The following ASZ1 variants were observed in gnomAD, a reference collection of about 807,000 sequenced individuals.
The protein encoded by ASZ1 is ankyrin repeat, SAM and basic leucine zipper domain-containing protein 1.
A neutral mutation model predicts 61.8 loss-of-function variants in ASZ1; 67 were observed. The ratio of observed to expected loss-of-function variants is 1.08; its 90% CI spans 0.89 to 1.33. ASZ1 has a LOEUF of 1.33. Ranked by LOEUF, ASZ1 falls within the 40% of genes most tolerant of loss-of-function variation. The pLI is 0.00. For missense variants in ASZ1, 577 were observed against 554.5 expected (o/e 1.04, Z -0.41); for synonymous variants, 193 against 192.7 (o/e 1.00, Z -0.01).
At position 117,425,825 on chromosome 7, in the gene ASZ1, A is replaced by G. The variant is rs182758151; in HGVS notation, c.205+1011T>C. On this transcript the variant is annotated intron_variant, in intron 2 of 12. Transcript: ENST00000284629. ...CCGACATGGTGAAACCCCCGTGTCTACTAAAATTACCAAAATTAGCTGGGC... is the reference window on the plus strand; with the variant it reads ...CCGACATGGTGAAACCCCCGTGTCTGCTAAAATTACCAAAATTAGCTGGGC... Among the ~76,000 whole-genome samples the G allele has an allele frequency of 3.8e-3, 577 of 151,740 alleles. 1 individual carries two copies. Among genetic ancestry groups the G allele is most frequent in the Non-Finnish European group, 5.6e-3 (383 of 67,926 alleles).
At chr7:117,410,726 T>G (rs1021756893) in intron 4 of ASZ1, among the ~76,000 whole-genome samples, 1 of 150,794 alleles carries the variant, frequency 6.6e-6, no homozygotes, top group Non-Finnish European at 1.5e-5. Flanking sequence ...AAAGCCTTTT[T>G]CCTAAAAGAT....
At chr7:117,426,239 T>C (rs1173044546) in intron 2 of ASZ1, among the ~76,000 whole-genome samples, 2 of 150,286 alleles carry the variant, frequency 1.3e-5, no homozygotes, top group African/African-American at 4.9e-5. Context: ...CCCAGCACTT[T>C]GGGAGGCCGA....
chr7:117,420,563 C>T (rs1310130093), intron 3 of ASZ1, among the ~76,000 whole-genome samples: 1 of 152,186 alleles, frequency 6.6e-6, no homozygotes, highest in African/African-American at 2.4e-5. Context: ...GCCACATTGT[C>T]TGGATTTGAA....
intron 4 of ASZ1, among the ~76,000 whole-genome samples, chr7:117,409,586 C>T (rs1796854886): frequency 6.6e-6 from 1 of 151,802 alleles, no homozygotes; most frequent in South Asian, 2.1e-4. Context: ...GATTTAATGA[C>T]ACTGTTATCT....
Position 117,402,958 on chromosome 7 carries a change from A to G in ASZ1, c.441-17149T>C, listed in dbSNP as rs1796708418. On this transcript the variant is annotated intron_variant, in intron 4 of 12. Transcript: ENST00000284629. ...GGGCTGCAGTTTGTGAGGTAGAAAA[A>G]GACTTAGCATGATATCATCAATTTA... 5.0e-4 allele frequency among the ~76,000 whole-genome samples: 11 copies of G among 21,794 alleles called. No individual in the cohort carries two copies. The Admixed American group carries it at 7.3e-3, about 14-fold the overall frequency. The allele number at this position is 21,794 out of a possible 152,430, so 14.3% of individuals were successfully genotyped here. A position where few individuals can be genotyped will look rare whatever the true frequency, so the allele number is the denominator to read the frequency against.
Position 117,426,948 on chromosome 7 carries a change from A to G in ASZ1, c.106-13T>C, listed in dbSNP as rs1562864240. 6.3e-7 allele frequency: 1 copy of G among 1,577,168 alleles called. No homozygotes were observed. The highest frequency in any genetic ancestry group is 2.2e-5 in the East Asian group (1 of 44,584). On this transcript the variant is annotated splice_polypyrimidine_tract_variant and intron_variant, in intron 1 of 12. Transcript: ENST00000284629. ...GCCTTTTCAATTTCTAGAAAAGTAAACATTTTAAAAAATTCTTGTTATATA... is the reference window on the plus strand; with the variant it reads ...GCCTTTTCAATTTCTAGAAAAGTAAGCATTTTAAAAAATTCTTGTTATATA...
chr7:117,422,433 A>G (rs1797116840), intron 2 of ASZ1, 74 bp from the exon 3 acceptor site: 1 of 1,501,182 alleles, frequency 6.7e-7, no homozygotes, highest in Non-Finnish European at 9.0e-7. Flanking sequence ...ATATGCTTAA[A>G]GTACTGTGTA....
intron 4 of ASZ1, among the ~76,000 whole-genome samples, chr7:117,418,212 C>T (rs1261422845): frequency 1.3e-5 from 2 of 152,164 alleles, no homozygotes; most frequent in African/African-American, 2.4e-5. Context: ...TCTCATGCCA[C>T]TTCTAAAGGT....
intron 4 of ASZ1, among the ~76,000 whole-genome samples, chr7:117,413,868 T>C (rs1028919230): frequency 6.6e-6 from 1 of 152,108 alleles, no homozygotes; most frequent in Non-Finnish European, 1.5e-5. Flanking sequence ...CTGATTTCTA[T>C]TTCTAGTAAT....
At chr7:117,394,311 T>TG (rs1796535739) in intron 4 of ASZ1, among the ~76,000 whole-genome samples, 1 of 152,148 alleles carries the variant, frequency 6.6e-6, no homozygotes, top group South Asian at 2.1e-4. Context: ...CTCAAACTCT[T>TG]GCGCTCAAGC....
At chr7:117,426,428 G>C (rs1407254647) in intron 2 of ASZ1, among the ~76,000 whole-genome samples, 2 of 133,160 alleles carry the variant, frequency 1.5e-5, no homozygotes, top group East Asian at 4.5e-4. Flanking sequence ...GGTGGAGATT[G>C]CAGTGAGCCA....
At chr7:117,423,454 T>A (rs17139837) in intron 2 of ASZ1, among the ~76,000 whole-genome samples, 3,198 of 152,194 alleles carry the variant, frequency 0.021, 113 homozygotes, top group African/African-American at 0.073. Flanking sequence ...GATTGAAAGC[T>A]TATCAATGAG....
intron 4 of ASZ1, among the ~76,000 whole-genome samples, chr7:117,404,612 C>A (rs1343073812): frequency 6.6e-6 from 1 of 152,058 alleles, no homozygotes; most frequent in Non-Finnish European, 1.5e-5. Flanking sequence ...TTTATTCTGG[C>A]AGTAACCAAT....
At chr7:117,401,474 A>C (rs1796679882) in intron 4 of ASZ1, among the ~76,000 whole-genome samples, 1 of 152,036 alleles carries the variant, frequency 6.6e-6, no homozygotes, top group Non-Finnish European at 1.5e-5. Context: ...CAATAAGAGT[A>C]ACAGCTGACT....
chr7:117,417,952 A>G (rs1306413521), intron 4 of ASZ1, among the ~76,000 whole-genome samples: 2 of 152,204 alleles, frequency 1.3e-5, no homozygotes, highest in Non-Finnish European at 2.9e-5. Context: ...AGTTTCTAGC[A>G]TAAGATGCTA....
intron 4 of ASZ1, among the ~76,000 whole-genome samples, chr7:117,419,885 T>C (rs926186977): frequency 6.6e-6 from 1 of 152,164 alleles, no homozygotes; most frequent in Non-Finnish European, 1.5e-5. Context: ...TTCTTTAGAG[T>C]AGTATGATTC....
chr7:117,413,041 T>C (rs1796926432), intron 4 of ASZ1, among the ~76,000 whole-genome samples: 1 of 151,912 alleles, frequency 6.6e-6, no homozygotes, highest in South Asian at 2.1e-4. Flanking sequence ...TTTCATAGTT[T>C]GTAGAATTTT....
Position 117,363,462 on chromosome 7 carries a change from C to A in ASZ1, c.*134G>T. ...ACAAACCACTTTTTAAAAAAAAACT[C>A]CACATTGTCAAAATTTTTCCTATGG... is the stretch of plus-strand genomic sequence containing the variant. On this transcript the variant is annotated 3_prime_UTR_variant, in exon 13 of 13. Coordinates refer to ENST00000284629, the MANE Select transcript of ASZ1 (RefSeq NM_130768.3). The A allele has an allele frequency of 9.9e-6, 7 of 704,700 alleles. No homozygotes were observed. The highest frequency in any genetic ancestry group is 3.4e-5 in the East Asian group (1 of 29,732). 43.7% of individuals were successfully genotyped at this position (704,700 alleles called of 1,614,324 possible). A position where few individuals can be genotyped will look rare whatever the true frequency, so the allele number is the denominator to read the frequency against.
chr7:117,402,752 G>A (rs913065059), intron 4 of ASZ1, among the ~76,000 whole-genome samples: 4 of 152,054 alleles, frequency 2.6e-5, no homozygotes, highest in African/African-American at 9.7e-5. Context: ...GGTAGGACGC[G>A]GGTAGTCCTA....
Sources: gnomAD v4.1 joint callset for allele counts (sites outside exome capture counted in the v4.1 genomes callset) on GRCh38, gnomAD v4.1.1 for gene constraint, MANE v1.5 for transcripts, NCBI Gene and HGNC (gene_info 2026-07-23, HGNC 2026-07-21) for gene names.